Variants in SLC39A10 observed in about 807,000 individuals in gnomAD.
The protein encoded by SLC39A10 is zinc transporter ZIP10.
In SLC39A10, 13 loss-of-function variants were observed where a neutral mutation model predicts 65.1. The observed-to-expected ratio is 0.20, with a 90% CI of 0.13 to 0.32. The LOEUF (loss-of-function observed/expected upper bound fraction) is 0.32. Among genes scored for constraint, SLC39A10 ranks in the 10% least tolerant of loss-of-function variants. The probability of loss-of-function intolerance (pLI) is 1.00; values close to 1 mark genes in which losing one functional copy is unlikely to be tolerated. For missense variants in SLC39A10, 831 were observed against 1,018.4 expected (o/e 0.82, Z 2.50); for synonymous variants, 321 against 342.2 (o/e 0.94, Z 0.68).
At chr2:195,616,749 T>G (rs1052460098) in intron 2 of SLC39A10, among the ~76,000 whole-genome samples, 18 of 150,962 alleles carry the variant, frequency 1.2e-4, no homozygotes, top group African/African-American at 2.9e-4. Context: ...GACTACAGGC[T>G]CCCGCCACCA....
chr2:195,619,986 G>A (rs1688317174), intron 2 of SLC39A10, among the ~76,000 whole-genome samples: 1 of 152,060 alleles, frequency 6.6e-6, no homozygotes, highest in African/African-American at 2.4e-5. Flanking sequence ...GCAGTGGCAC[G>A]ATCTTGACTC....
chr2:195,676,538 C>A (rs887827244), intron 1 of SLC39A10, among the ~76,000 whole-genome samples: 2 of 152,072 alleles, frequency 1.3e-5, no homozygotes, highest in African/African-American at 4.8e-5. Flanking sequence ...TTTTGCTTTT[C>A]ACATATAGGT....
chr2:195,648,172 T>A (rs1361302473), intron 2 of SLC39A10, among the ~76,000 whole-genome samples: 1 of 151,972 alleles, frequency 6.6e-6, no homozygotes, highest in African/African-American at 2.4e-5. Flanking sequence ...TTTAAAACAA[T>A]TTTTTTGTAC....
At position 195,680,362 on chromosome 2, in the gene SLC39A10, A is replaced by C. The variant is rs1690253915; in HGVS notation, c.320A>C (p.Asp107Ala). ...ATTAATCATGAGGATCTTGGCCACGATCATGTTTCTCATTTAGATATTTTG... is the reference window on the plus strand; with the variant it reads ...ATTAATCATGAGGATCTTGGCCACGCTCATGTTTCTCATTTAGATATTTTG... ...VEINHEDLGH[D>A]HVSHLDILAV... The change falls in exon 2 of 10, where the codon GAT becomes GCT. Residue 107 changes from aspartate (D) to alanine (A), a missense_variant. Around this residue, in one of 4 missense-constraint regions of SLC39A10, gnomAD observed 446 missense variants for 499.2 expected, o/e 0.89. Coordinates refer to ENST00000359634, the MANE Select transcript of SLC39A10 (RefSeq NM_020342.3). 6.2e-7 allele frequency: 1 copy of C among 1,614,080 alleles called. No individual in the cohort carries two copies. Among genetic ancestry groups the C allele is most frequent in the Admixed American group, 1.7e-5 (1 of 60,006 alleles).
At chr2:195,648,049 G>C (rs1197779198) in intron 2 of SLC39A10, among the ~76,000 whole-genome samples, 4 of 152,190 alleles carry the variant, frequency 2.6e-5, no homozygotes. Context: ...CTAGAATGCA[G>C]TGACAAAATC....
intron 9 of SLC39A10, among the ~76,000 whole-genome samples, chr2:195,729,563 C>A (rs528024820): frequency 5.3e-5 from 8 of 152,296 alleles, no homozygotes; most frequent in African/African-American, 1.9e-4. Flanking sequence ...AAGGAAATTT[C>A]CTAGCTGGTG....
At chr2:195,734,460 C>T (rs1321008092) in intron 9 of SLC39A10, among the ~76,000 whole-genome samples, 2 of 152,186 alleles carry the variant, frequency 1.3e-5, no homozygotes, top group East Asian at 3.9e-4. Flanking sequence ...CCGTGCCCGG[C>T]CCAAGAATCT....
chr2:195,719,886 G>T (rs1409435609), intron 8 of SLC39A10, among the ~76,000 whole-genome samples: 2 of 151,510 alleles, frequency 1.3e-5, no homozygotes, highest in South Asian at 4.2e-4. Context: ...CGCCTCCCGG[G>T]TTCAAGTAAT....
intron 3 of SLC39A10, among the ~76,000 whole-genome samples, chr2:195,698,803 A>T (rs11889416): frequency 0.012 from 1,770 of 152,008 alleles, 24 homozygotes; most frequent in Middle Eastern, 0.065. Flanking sequence ...TACCTTTAGT[A>T]TCAGGGTAAT....
At chr2:195,709,997 GAAAAT>G (rs1216726030) in intron 5 of SLC39A10, among the ~76,000 whole-genome samples, 1 of 152,056 alleles carries the variant, frequency 6.6e-6, no homozygotes, top group Non-Finnish European at 1.5e-5. Context: ...TTTGTAGGAA[GAAAAT>G]AAAATGAAAT....
In SLC39A10 at chr2:195,737,480, A is replaced by G. The variant is rs183627451; in HGVS notation, c.*2439A>G. 2,055 of 160,728 alleles carry G rather than the reference A, an allele frequency of 0.013. 48 individuals carry two copies. Among genetic ancestry groups the G allele is most frequent in the African/African-American group, 0.046 (1,909 of 41,284 alleles). The allele number at this position is 160,728 out of a possible 1,614,324, so 10.0% of individuals were successfully genotyped here. ...GTGAATTTTTTCCATTAACAAACAA[A>G]CAAGTCAGTGGCTTAAATGTGATTA... On this transcript the variant is annotated 3_prime_UTR_variant, in exon 10 of 10. Coordinates refer to ENST00000359634, the MANE Select transcript of SLC39A10 (RefSeq NM_020342.3).
At chr2:195,666,051 C>A (rs902284462) in intron 1 of SLC39A10, among the ~76,000 whole-genome samples, 1 of 151,778 alleles carries the variant, frequency 6.6e-6, no homozygotes, top group African/African-American at 2.4e-5. Flanking sequence ...TTTTTTTGTC[C>A]TTTTATTTAA....
At position 195,713,385 on chromosome 2, in the gene SLC39A10, C is replaced by T. The variant is rs551604007; in HGVS notation, c.1576-48C>T. The T allele has an allele frequency of 5.0e-6, 7 of 1,413,024 alleles. No homozygotes were observed. The African/African-American group carries it at 7.5e-5, about 15-fold the overall frequency. 87.5% of individuals were successfully genotyped at this position (1,413,024 alleles called of 1,614,324 possible). ...GAGTCAATATTGTTGCTAATTGTGT[C>T]CTCACATTTTATACTAATATCAGAT... is the stretch of plus-strand genomic sequence containing the variant. On this transcript the variant is annotated intron_variant, in intron 5 of 9. Transcript: ENST00000359634.
intron 1 of SLC39A10, among the ~76,000 whole-genome samples, chr2:195,667,390 A>G (rs931145747): frequency 1.3e-5 from 2 of 152,204 alleles, no homozygotes; most frequent in Non-Finnish European, 2.9e-5. Context: ...AGAATATTCT[A>G]ATGTCAGTGA....
chr2:195,676,235 G>C (rs1690084000), intron 1 of SLC39A10, among the ~76,000 whole-genome samples: 1 of 151,094 alleles, frequency 6.6e-6, no homozygotes, highest in East Asian at 2.0e-4. Flanking sequence ...AGGCTGGCAG[G>C]CTGAAGTGTG....
Position 195,708,682 on chromosome 2 carries a change from C to T in SLC39A10, c.1413C>T (p.His471=). ...PHSQGGHDHS[H]QHAHGHGHSH... Reference sequence around the variant, plus strand: ...CTCAGGGTGGACATGATCACAGTCACCAACATGCACATGGGCATGGACATT... The same window carrying T: ...CTCAGGGTGGACATGATCACAGTCATCAACATGCACATGGGCATGGACATT... The change falls in exon 5 of 10, where the codon CAC becomes CAT. Residue 471 remains histidine (H), a synonymous_variant. Coordinates refer to ENST00000359634, the MANE Select transcript of SLC39A10 (RefSeq NM_020342.3). 2 of 1,607,328 alleles carry T rather than the reference C, an allele frequency of 1.2e-6. No homozygotes were observed. The highest frequency in any genetic ancestry group is 1.7e-5 in the Admixed American group (1 of 59,298).
At chr2:195,685,397 C>A (rs910304122) in intron 3 of SLC39A10, among the ~76,000 whole-genome samples, 3 of 152,058 alleles carry the variant, frequency 2.0e-5, no homozygotes, top group African/African-American at 4.8e-5. Flanking sequence ...TTTTCTCATA[C>A]ATTTTAGGAA....
chr2:195,656,473 A>C (rs1192020062), upstream of SLC39A10, among the ~76,000 whole-genome samples: 1 of 152,132 alleles, frequency 6.6e-6, no homozygotes, highest in East Asian at 1.9e-4. Context: ...TGAGGAGTAG[A>C]GGAGTGAAGA....
intron 2 of SLC39A10, among the ~76,000 whole-genome samples, chr2:195,636,214 A>G (rs906732698): frequency 1.3e-5 from 2 of 152,238 alleles, no homozygotes; most frequent in Admixed American, 6.5e-5. Context: ...CAGCCAAGAC[A>G]ACAGACTAAT....
Sources: gnomAD v4.1 joint callset for allele counts (sites outside exome capture counted in the v4.1 genomes callset) on GRCh38, gnomAD v4.1.1 for gene constraint, gnomAD v4.1.1 regional missense constraint, MANE v1.5 for transcripts, NCBI Gene and HGNC (gene_info 2026-07-23, HGNC 2026-07-21) for gene names.